Variants in BAIAP2L1 observed in about 807,000 individuals in gnomAD.
BAIAP2L1 encodes the protein BAR/IMD domain containing adaptor protein 2 like 1.
BAIAP2L1 carries 35 observed loss-of-function variants against 66.3 expected under a neutral mutation model. The ratio of observed to expected loss-of-function variants is 0.53; its 90% confidence interval spans 0.40 to 0.70. The LOEUF (loss-of-function observed/expected upper bound fraction) is 0.70, where lower values mean the gene tolerates loss of function less well. Among genes scored for constraint, BAIAP2L1 ranks in the 30% least tolerant of loss-of-function variants. The probability of loss-of-function intolerance (pLI) is 0.00; values close to 1 mark genes in which losing one functional copy is unlikely to be tolerated. For missense variants in BAIAP2L1, 622 were observed against 656.9 expected, an observed-to-expected ratio of 0.95 and a Z score of 0.58; for synonymous variants, 269 against 248.7, an observed-to-expected ratio of 1.08 and a Z score of -0.77.
rs138465839 is a variant in BAIAP2L1 at position 98,320,072 on chromosome 7, C to T, written c.334G>A (p.Val112Met). 1.2e-5 allele frequency: 19 copies of T among 1,613,262 alleles called. No homozygotes were observed. Among genetic ancestry groups the T allele is most frequent in the African/African-American group, 8.0e-5 (6 of 74,900 alleles). The change falls in exon 5 of 14, where the codon GTG (valine) becomes ATG (methionine). Residue 112 changes from valine (V) to methionine (M), a missense_variant. Physicochemically the swap from Val to Met is conservative, Grantham distance 21. Transcript: ENST00000005260. ...HELEKKIELD[V>M]KYMNATLKRY... ...CATGCACTTACGTTCATATATTTCA[C>T]GTCAAGTTCTATCTTCTTCTCCAGC...
At position 98,332,831 on chromosome 7, in the gene BAIAP2L1, A is replaced by G. The variant is rs1801530762; in HGVS notation, c.215-12533T>C. On this transcript the variant is annotated intron_variant, in intron 3 of 13. Coordinates refer to ENST00000005260, the MANE Select transcript of BAIAP2L1 (RefSeq NM_018842.5). ...CCCCAAAAAAAAAAAAAAAAAAAAA[A>G]GTTAGCTGGCATCTCTCCTCAGTTG... Among the ~76,000 whole-genome samples, 3 of 150,036 alleles carry G rather than the reference A, an allele frequency of 2.0e-5. No individual in the cohort carries two copies. The South Asian group carries it at 6.3e-4, about 32-fold the overall frequency.
intron 3 of BAIAP2L1, among the ~76,000 whole-genome samples, chr7:98,329,234 C>T (rs1466154584): frequency 1.3e-5 from 2 of 152,176 alleles, no homozygotes; most frequent in Non-Finnish European, 2.9e-5. Flanking sequence ...AATTCTGAGA[C>T]GCATGACAGG....
chr7:98,384,784 G>A (rs973098617), intron 1 of BAIAP2L1, among the ~76,000 whole-genome samples: 2 of 143,114 alleles, frequency 1.4e-5, no homozygotes, highest in African/African-American at 2.6e-5. Context: ...CTGCAACCTC[G>A]GCCTCCCAGG....
At chr7:98,305,605 A>G (rs1294547237) in intron 11 of BAIAP2L1, among the ~76,000 whole-genome samples, 2 of 151,940 alleles carry the variant, frequency 1.3e-5, no homozygotes, top group African/African-American at 4.8e-5. Context: ...TTTTTTTTGT[A>G]GAGATGGGGA....
At chr7:98,319,906 AAG>A in intron 5 of BAIAP2L1, 150 bp downstream of exon 5, 2 of 713,418 alleles carry the variant, frequency 2.8e-6, no homozygotes, top group South Asian at 3.6e-5. Flanking sequence ...ACACAGCCCA[AAG>A]AGAGCTTGTC....
At chr7:98,301,496 T>A (rs1800421458) in intron 12 of BAIAP2L1, among the ~76,000 whole-genome samples, 1 of 151,066 alleles carries the variant, frequency 6.6e-6, no homozygotes, top group East Asian at 1.9e-4. Context: ...TATATATATT[T>A]TAAGTGGAGA....
chr7:98,352,146 C>A (rs751773753), intron 3 of BAIAP2L1, among the ~76,000 whole-genome samples: 1 of 151,400 alleles, frequency 6.6e-6, no homozygotes, highest in African/African-American at 2.4e-5. Flanking sequence ...ATACGGGGTG[C>A]CTTTTTAGTC....
intron 6 of BAIAP2L1, among the ~76,000 whole-genome samples, chr7:98,316,738 A>G (rs978475080): frequency 3.2e-4 from 48 of 152,108 alleles, no homozygotes; most frequent in African/African-American, 1.1e-3. Flanking sequence ...ATCCAATTGT[A>G]TGTTTGGACC....
At chr7:98,352,499 G>A (rs1247376715) in intron 3 of BAIAP2L1, among the ~76,000 whole-genome samples, 1 of 152,026 alleles carries the variant, frequency 6.6e-6, no homozygotes, top group Non-Finnish European at 1.5e-5. Context: ...AAAATTAGCC[G>A]GGTATGGTGG....
In BAIAP2L1 at chr7:98,295,089, G is replaced by C. The variant is rs145461088; in HGVS notation, c.1423-978C>G. Among the ~76,000 whole-genome samples the C allele has an allele frequency of 4.9e-3, 746 of 152,306 alleles. 11 individuals are homozygous for C. The highest frequency in any genetic ancestry group is 0.017 in the African/African-American group (696 of 41,570). On this transcript the variant is annotated intron_variant, in intron 12 of 13. Coordinates refer to ENST00000005260, the MANE Select transcript of BAIAP2L1 (RefSeq NM_018842.5). ...AGGAAGCGTCCCAGCACCCCCAGGG[G>C]GTCTCAGGGAGCACGCAGACCTCTC...
rs1325107728 is a variant in BAIAP2L1, at chr7:98,357,058, T to A, written c.128-1930A>T. ...ATATATATATATATATATTTTTTTTTTTTTTTTTTTAAGAGTAGGGGTCTC... is the reference window on the plus strand; with the variant it reads ...ATATATATATATATATATTTTTTTTATTTTTTTTTTAAGAGTAGGGGTCTC... On this transcript the variant is annotated intron_variant, in intron 2 of 13. Coordinates refer to ENST00000005260, the MANE Select transcript of BAIAP2L1 (RefSeq NM_018842.5). Among the ~76,000 whole-genome samples, 68 of 98,686 alleles carry A rather than the reference T, an allele frequency of 6.9e-4. 1 individual carries two copies. The highest frequency in any genetic ancestry group is 1.4e-3 in the African/African-American group (32 of 23,220). 64.7% of individuals were successfully genotyped at this position (98,686 alleles called of 152,430 possible).
intron 1 of BAIAP2L1, among the ~76,000 whole-genome samples, chr7:98,368,741 C>T (rs1802443939): frequency 6.6e-6 from 1 of 151,956 alleles, no homozygotes; most frequent in African/African-American, 2.4e-5. Flanking sequence ...TAAGATTTGC[C>T]CTTTTCACCC....
chr7:98,386,577 A>G, intron 1 of BAIAP2L1: 1 of 1,596,232 alleles, frequency 6.3e-7, no homozygotes, highest in Non-Finnish European at 8.5e-7. Flanking sequence ...GTTCTTGCCA[A>G]CCGCCATGGT....
At chr7:98,329,305 T>TCA (rs956581874) in intron 3 of BAIAP2L1, among the ~76,000 whole-genome samples, 3 of 152,180 alleles carry the variant, frequency 2.0e-5, no homozygotes, top group Non-Finnish European at 4.4e-5. Flanking sequence ...ACGCAGAGAC[T>TCA]CACAGTTCAC....
rs113847866 is a variant in BAIAP2L1, at chr7:98,341,168, A to G, written c.214+13874T>C. On this transcript the variant is annotated intron_variant, in intron 3 of 13. Coordinates refer to ENST00000005260, the MANE Select transcript of BAIAP2L1 (RefSeq NM_018842.5). ...ATTATTTTCCAAACCCCAAACTGAA[A>G]ATACTCAAGAAAAAAAGCTGGAATA... 4.6e-3 allele frequency among the ~76,000 whole-genome samples: 707 copies of G among 152,170 alleles called. 11 individuals are homozygous for G. Among genetic ancestry groups the G allele is most frequent in the African/African-American group, 0.016 (665 of 41,520 alleles).
chr7:98,304,441 C>G (rs1254150631), intron 11 of BAIAP2L1, 65 bp from the exon 12 acceptor site: 12 of 1,538,704 alleles, frequency 7.8e-6, no homozygotes, highest in South Asian at 3.5e-5. Flanking sequence ...CAAACATCCT[C>G]TGTGTCCCTG....
At chr7:98,386,692 GGT>G (rs1802899947) in intron 1 of BAIAP2L1, 34 of 270,500 alleles carry the variant, frequency 1.3e-4, no homozygotes, top group East Asian at 1.8e-4. Context: ...ACTTTCCAAA[GGT>G]TTTTTTTTTT....
In BAIAP2L1 at chr7:98,373,291, C is replaced by T. The variant is rs191368908; in HGVS notation, c.52-10859G>A. Among the ~76,000 whole-genome samples, 342 of 152,210 alleles carry T rather than the reference C, an allele frequency of 2.2e-3. 2 individuals are homozygous for T. Among genetic ancestry groups the T allele is most frequent in the Non-Finnish European group, 2.8e-3 (190 of 68,016 alleles). On this transcript the variant is annotated intron_variant, in intron 1 of 13. Transcript: ENST00000005260. ...AAAAATTAGACAACTGAGATGTTTC[C>T]TTTGAGGTATTGAGTTAGATCAGAA...
At chr7:98,302,739 A>G (rs1213834080) in intron 12 of BAIAP2L1, among the ~76,000 whole-genome samples, 2 of 152,202 alleles carry the variant, frequency 1.3e-5, no homozygotes, top group Non-Finnish European at 2.9e-5. Flanking sequence ...TCCACCAATT[A>G]TAATGTATGG....
Sources: allele counts gnomAD v4.1 joint callset (sites outside exome capture counted in the v4.1 genomes callset), GRCh38; gene constraint gnomAD v4.1.1; transcripts MANE v1.5; gene names NCBI Gene and HGNC (gene_info 2026-07-23, HGNC 2026-07-21).